Variants in GABRG1 observed in about 807,000 individuals in gnomAD.
GABRG1 encodes gamma-aminobutyric acid type A receptor subunit gamma1, also known as gamma-aminobutyric acid receptor subunit gamma-1.
In GABRG1, 49 loss-of-function variants were observed where a neutral mutation model predicts 49.8. That is an observed-to-expected ratio of 0.98 (90% CI 0.78 to 1.25). The LOEUF (loss-of-function observed/expected upper bound fraction) is 1.25, where lower values mean the gene tolerates loss of function less well. GABRG1 is among the 50% of genes most tolerant of loss of function. The probability of loss-of-function intolerance (pLI) is 0.00; values close to 1 mark genes in which losing one functional copy is unlikely to be tolerated. For synonymous variants in GABRG1, 232 were observed against 185.1 expected, an observed-to-expected ratio of 1.25 and a Z score of -2.06; for missense variants, 552 against 552.3, an observed-to-expected ratio of 1.00 and a Z score of 0.01.
chr4:46,061,888 T>C (rs1346132659), intron 5 of GABRG1, among the ~76,000 whole-genome samples: 19 of 151,950 alleles, frequency 1.3e-4, no homozygotes, highest in African/African-American at 4.3e-4. Context: ...TTTTTATTAT[T>C]ATTATACTTT....
chr4:46,109,559 G>A (rs897145816), intron 1 of GABRG1, among the ~76,000 whole-genome samples: 1 of 150,810 alleles, frequency 6.6e-6, no homozygotes, highest in Admixed American at 6.6e-5. Flanking sequence ...TGCTAGTTTT[G>A]TGGTTAGTTT....
chr4:46,059,833 T>C (rs1353329753), intron 5 of GABRG1, among the ~76,000 whole-genome samples: 1 of 152,204 alleles, frequency 6.6e-6, no homozygotes, highest in Non-Finnish European at 1.5e-5. Context: ...TTATTTCACA[T>C]TCTCCTGATT....
chr4:46,053,769 T>C (rs1718334381), intron 7 of GABRG1, among the ~76,000 whole-genome samples: 1 of 152,054 alleles, frequency 6.6e-6, no homozygotes, highest in African/African-American at 2.4e-5. Context: ...GCAAAAAAAC[T>C]AAGCAGAACT....
intron 5 of GABRG1, among the ~76,000 whole-genome samples, chr4:46,062,664 TA>T (rs1176658833): frequency 2.0e-5 from 3 of 152,192 alleles, no homozygotes; most frequent in Non-Finnish European, 1.5e-5. Flanking sequence ...TTTGGCTGCA[TA>T]AATGTCTTCT....
chr4:46,109,335 C>CT (rs2109439537), intron 1 of GABRG1, among the ~76,000 whole-genome samples: 1 of 150,948 alleles, frequency 6.6e-6, no homozygotes, highest in Admixed American at 6.6e-5. Context: ...ATCAGAGGAT[C>CT]TTTTATATCT....
intron 8 of GABRG1, among the ~76,000 whole-genome samples, chr4:46,042,186 T>G (rs1717813544): frequency 6.6e-6 from 1 of 151,902 alleles, no homozygotes; most frequent in South Asian, 2.1e-4. Context: ...TGCCAGTAGG[T>G]AACATCATTA....
At chr4:46,116,018 T>C (rs1202998060) in intron 1 of GABRG1, among the ~76,000 whole-genome samples, 3 of 150,850 alleles carry the variant, frequency 2.0e-5, no homozygotes, top group Non-Finnish European at 1.5e-5. Flanking sequence ...AGCTTTTTGA[T>C]TGATTTTTAA....
intron 1 of GABRG1, among the ~76,000 whole-genome samples, chr4:46,118,824 T>G (rs1357062082): frequency 1.3e-5 from 2 of 151,188 alleles, no homozygotes. Flanking sequence ...AACTATAAAT[T>G]TAATCTACCT....
chr4:46,045,685 G>A (rs1349748145), intron 8 of GABRG1, among the ~76,000 whole-genome samples: 2 of 152,002 alleles, frequency 1.3e-5, no homozygotes, highest in East Asian at 1.9e-4. Flanking sequence ...CAGAAGTAGA[G>A]ATTTAAATAT....
chr4:46,103,457 C>T (rs1720446037), intron 1 of GABRG1, among the ~76,000 whole-genome samples: 1 of 151,376 alleles, frequency 6.6e-6, no homozygotes, highest in Admixed American at 6.6e-5. Flanking sequence ...GGGAAAAGTT[C>T]CACCATGTTT....
At chr4:46,077,781 A>G (rs1197590887) in intron 3 of GABRG1, among the ~76,000 whole-genome samples, 3 of 151,788 alleles carry the variant, frequency 2.0e-5, no homozygotes, top group African/African-American at 7.2e-5. Flanking sequence ...AAATAAATAT[A>G]TGACAGACAA....
At chr4:46,108,227 T>C (rs1291699532) in intron 1 of GABRG1, among the ~76,000 whole-genome samples, 2 of 151,060 alleles carry the variant, frequency 1.3e-5, no homozygotes, top group Non-Finnish European at 3.0e-5. Context: ...GCACATTTCT[T>C]AAGCCAGGAA....
chr4:46,099,004 A>C (rs577369933), intron 1 of GABRG1, among the ~76,000 whole-genome samples: 83 of 151,806 alleles, frequency 5.5e-4, no homozygotes, highest in African/African-American at 1.9e-3. Context: ...TAACATCATA[A>C]ATTAAAATTT....
chr4:46,045,608 GA>G (rs11299779), intron 8 of GABRG1, among the ~76,000 whole-genome samples: 76,565 of 151,366 alleles, frequency 0.51, 19,924 homozygotes, highest in African/African-American at 0.63. Flanking sequence ...CTTAAGAAAA[GA>G]AAAAAAGTTT....
chr4:46,081,608 T>C (rs1719571600), intron 3 of GABRG1, among the ~76,000 whole-genome samples: 1 of 151,816 alleles, frequency 6.6e-6, no homozygotes, highest in South Asian at 2.1e-4. Context: ...AAGGGATGAT[T>C]TGACTATTAT....
At chr4:46,103,296 A>C (rs374181364) in intron 1 of GABRG1, among the ~76,000 whole-genome samples, 76,615 of 151,168 alleles carry the variant, frequency 0.51, 19,784 homozygotes, top group African/African-American at 0.55. Context: ...GAGGCCATTT[A>C]CATACTTCAT....
intron 7 of GABRG1, among the ~76,000 whole-genome samples, chr4:46,057,585 A>G (rs949828441): frequency 4.6e-5 from 7 of 152,130 alleles, no homozygotes; most frequent in African/African-American, 1.2e-4. Flanking sequence ...AGATTGTTAC[A>G]GAAAAATAGT....
chr4:46,120,701 T>G (rs929064985), intron 1 of GABRG1, among the ~76,000 whole-genome samples: 1 of 151,750 alleles, frequency 6.6e-6, no homozygotes. Context: ...TGAAATTGCT[T>G]GAAAATAATA....
At chr4:46,117,404 G>A (rs1331163159) in intron 1 of GABRG1, among the ~76,000 whole-genome samples, 6 of 150,080 alleles carry the variant, frequency 4.0e-5, no homozygotes, top group Non-Finnish European at 9.0e-5. Flanking sequence ...AAATTATATA[G>A]CCTTCAATAG....
Sources: gnomAD v4.1 joint callset for allele counts (sites outside exome capture counted in the v4.1 genomes callset) on GRCh38, gnomAD v4.1.1 for gene constraint, MANE v1.5 for transcripts, NCBI Gene and HGNC (gene_info 2026-07-23, HGNC 2026-07-21) for gene names.